RPS6KC1: variants seen among roughly 807,000 people sequenced by gnomAD.
RPS6KC1 encodes ribosomal protein S6 kinase C1, also known as inactive ribosomal protein S6 kinase delta-1.
In RPS6KC1, 54 loss-of-function variants were observed where a neutral mutation model predicts 103.8. The observed-to-expected ratio is 0.52, with a 90% CI of 0.42 to 0.65. RPS6KC1 has a LOEUF of 0.65. Ranked by LOEUF, RPS6KC1 falls within the 30% of genes least tolerant of loss-of-function variation. The pLI is 0.00. For synonymous variants in RPS6KC1, 439 were observed against 438.7 expected, an observed-to-expected ratio of 1.00 and a Z score of -0.01; for missense variants, 1,151 against 1,253.8, an observed-to-expected ratio of 0.92 and a Z score of 1.24.
the RPS6KC1 span, among the ~76,000 whole-genome samples, chr1:213,443,191 G>T: frequency 2.0e-5 from 3 of 152,116 alleles, no homozygotes; most frequent in Non-Finnish European, 4.4e-5. Flanking sequence ...CCTTTTCTAG[G>T]CTATGACGAT....
the RPS6KC1 span, among the ~76,000 whole-genome samples, chr1:213,310,652 G>C: frequency 3.3e-5 from 5 of 152,160 alleles, no homozygotes; most frequent in East Asian, 7.7e-4. Context: ...TGCATTCGTC[G>C]TATGTAGGCA....
chr1:213,476,456 A>G, the RPS6KC1 span, among the ~76,000 whole-genome samples: 11 of 152,212 alleles, frequency 7.2e-5, no homozygotes, highest in African/African-American at 1.9e-4. Context: ...GGTTTAACTC[A>G]TTTATTTCAC....
At chr1:213,314,322 G>A in the RPS6KC1 span, among the ~76,000 whole-genome samples, 1 of 152,194 alleles carries the variant, frequency 6.6e-6, no homozygotes, top group Non-Finnish European at 1.5e-5. Flanking sequence ...GGTACCAGAG[G>A]TTAGGACTTC....
chr1:213,468,557 A>G, the RPS6KC1 span, among the ~76,000 whole-genome samples: 1 of 152,338 alleles, frequency 6.6e-6, no homozygotes, highest in South Asian at 2.1e-4. Context: ...AAATAGAGAG[A>G]GAGACTTGAG....
At chr1:213,257,786 CTTTTTTTTTTTTTTTTTTTT>C (rs71147062) in intron 12 of RPS6KC1, among the ~76,000 whole-genome samples, 538 of 49,492 alleles carry the variant, frequency 0.011, 16 homozygotes, top group Middle Eastern at 0.083. Flanking sequence ...ACAGGTAAAA[CTTTTTTTTTTTTTTTTTTTT>C]TTTTTTTTTT....
At chr1:213,486,612 T>C in the RPS6KC1 span, among the ~76,000 whole-genome samples, 1 of 152,168 alleles carries the variant, frequency 6.6e-6, no homozygotes, top group Non-Finnish European at 1.5e-5. Context: ...GATACTGTGT[T>C]CATTAAGCCT....
chr1:213,667,318 A>C, the RPS6KC1 span, among the ~76,000 whole-genome samples: 1 of 152,210 alleles, frequency 6.6e-6, no homozygotes, highest in African/African-American at 2.4e-5. Context: ...AGACCACAAC[A>C]ATAAAGTGAC....
chr1:213,550,235 G>C, the RPS6KC1 span, among the ~76,000 whole-genome samples: 1 of 152,184 alleles, frequency 6.6e-6, no homozygotes, highest in Non-Finnish European at 1.5e-5. Context: ...ACATTGCGGT[G>C]TCAGACCCAG....
At chr1:213,387,464 C>T in the RPS6KC1 span, among the ~76,000 whole-genome samples, 1 of 152,332 alleles carries the variant, frequency 6.6e-6, no homozygotes, top group South Asian at 2.1e-4. Flanking sequence ...GCACATCCAA[C>T]TTGTCCCATT....
chr1:213,822,334 T>G, the RPS6KC1 span: 1 of 152,188 alleles, frequency 6.6e-6, no homozygotes, highest in African/African-American at 2.4e-5. Context: ...ACCTTGAATC[T>G]CTTCTCTATC....
chr1:213,057,566 T>A (rs1443214519), intron 1 of RPS6KC1, among the ~76,000 whole-genome samples: 1 of 152,074 alleles, frequency 6.6e-6, no homozygotes, highest in Non-Finnish European at 1.5e-5. Flanking sequence ...GTCATATAAA[T>A]AGAATCATAT....
intron 4 of RPS6KC1, among the ~76,000 whole-genome samples, chr1:213,111,435 C>T (rs980773261): frequency 3.9e-5 from 6 of 152,082 alleles, no homozygotes; most frequent in African/African-American, 1.4e-4. Flanking sequence ...ACTGCTACAT[C>T]CCTCTAGTTC....
chr1:213,761,725 T>G, the RPS6KC1 span, among the ~76,000 whole-genome samples: 3 of 151,800 alleles, frequency 2.0e-5, no homozygotes, highest in Non-Finnish European at 2.9e-5. Flanking sequence ...TTCAAACGAG[T>G]TTTTCAAGTG....
chr1:213,176,755 G>C (rs974145472), intron 8 of RPS6KC1: 4 of 257,082 alleles, frequency 1.6e-5, no homozygotes, highest in African/African-American at 8.6e-5. Flanking sequence ...TTTTATAGAA[G>C]TGTTATAGCA....
intron 8 of RPS6KC1, among the ~76,000 whole-genome samples, chr1:213,200,516 C>T (rs1210899216): frequency 1.3e-5 from 2 of 152,012 alleles, no homozygotes; most frequent in African/African-American, 2.4e-5. Flanking sequence ...ATGTAAAATA[C>T]AAAACTATAA....
At chr1:213,316,685 G>C in the RPS6KC1 span, among the ~76,000 whole-genome samples, 5 of 150,290 alleles carry the variant, frequency 3.3e-5, no homozygotes, top group Middle Eastern at 3.4e-3. Context: ...ATAGAGCAAG[G>C]TAGGTAGGGC....
chr1:213,153,165 C>T (rs1286405195), intron 6 of RPS6KC1, among the ~76,000 whole-genome samples: 2 of 152,054 alleles, frequency 1.3e-5, no homozygotes, highest in Non-Finnish European at 2.9e-5. Context: ...TTGCAGTGAG[C>T]CGAGATGGCA....
the RPS6KC1 span, among the ~76,000 whole-genome samples, chr1:213,410,727 G>A: frequency 6.6e-6 from 1 of 152,202 alleles, no homozygotes; most frequent in South Asian, 2.1e-4. Flanking sequence ...GATTGAAGGG[G>A]TGGACTGTGA....
At chr1:213,090,103 T>C (rs775497911) in intron 3 of RPS6KC1, among the ~76,000 whole-genome samples, 8 of 152,096 alleles carry the variant, frequency 5.3e-5, no homozygotes, top group Non-Finnish European at 1.0e-4. Context: ...GGATCCAGAG[T>C]TGAGAAAGAG....
Sources: allele counts gnomAD v4.1 joint callset (sites outside exome capture counted in the v4.1 genomes callset), GRCh38; gene constraint gnomAD v4.1.1; transcripts MANE v1.5; gene names NCBI Gene and HGNC (gene_info 2026-07-23, HGNC 2026-07-21).